GRXCR1: variants seen among roughly 807,000 people sequenced by gnomAD.
GRXCR1 encodes the protein glutaredoxin domain-containing cysteine-rich protein 1.
A neutral mutation model predicts 27.3 loss-of-function variants in GRXCR1; 27 were observed. The ratio of observed to expected loss-of-function variants is 0.99; its 90% CI spans 0.73 to 1.37. GRXCR1 has a LOEUF of 1.37. Among genes scored for constraint, GRXCR1 ranks in the 40% most tolerant of loss-of-function variants. The probability of loss-of-function intolerance (pLI) is 0.00; values close to 1 mark genes in which losing one functional copy is unlikely to be tolerated. For synonymous variants in GRXCR1, 122 were observed against 131.1 expected (o/e 0.93, Z 0.47); for missense variants, 379 against 354.4 (o/e 1.07, Z -0.56).
chr4:42,941,727 T>G (rs1747628128), intron 1 of GRXCR1, among the ~76,000 whole-genome samples: 1 of 151,992 alleles, frequency 6.6e-6, no homozygotes, highest in Non-Finnish European at 1.5e-5. Context: ...TAGTTGGCAT[T>G]GTGTAGATCA....
chr4:43,021,141 G>A (rs778271107), intron 3 of GRXCR1, among the ~76,000 whole-genome samples: 6 of 152,122 alleles, frequency 3.9e-5, no homozygotes, highest in Non-Finnish European at 8.8e-5. Flanking sequence ...TATTGCTCTA[G>A]TCTTTGCTAA....
intron 1 of GRXCR1, among the ~76,000 whole-genome samples, chr4:42,941,938 C>T (rs969407172): frequency 2.0e-5 from 3 of 152,130 alleles, no homozygotes; most frequent in East Asian, 1.9e-4. Context: ...ATTTAGGAAA[C>T]TATCAAGAAA....
intron 2 of GRXCR1, among the ~76,000 whole-genome samples, chr4:42,968,003 C>T (rs1445330453): frequency 6.6e-6 from 1 of 152,078 alleles, no homozygotes; most frequent in African/African-American, 2.4e-5. Context: ...ATTTTGCTTG[C>T]CTTGAGTGGT....
At chr4:43,007,786 T>G (rs1041143362) in intron 2 of GRXCR1, among the ~76,000 whole-genome samples, 3 of 152,234 alleles carry the variant, frequency 2.0e-5, no homozygotes, top group African/African-American at 7.2e-5. Flanking sequence ...TGCTTTAGCT[T>G]AAAAGTCCAA....
chr4:42,944,618 G>A (rs1369867380), intron 1 of GRXCR1, among the ~76,000 whole-genome samples: 3 of 151,954 alleles, frequency 2.0e-5, no homozygotes, highest in Admixed American at 2.0e-4. Flanking sequence ...AAATCACCTT[G>A]CTACAGAGTA....
At chr4:42,937,054 G>T (rs1231785270) in intron 1 of GRXCR1, among the ~76,000 whole-genome samples, 3 of 151,880 alleles carry the variant, frequency 2.0e-5, no homozygotes, top group Non-Finnish European at 2.9e-5. Flanking sequence ...CCTTGAGAAT[G>T]AAGTATCTAC....
rs1167479725 is a variant in GRXCR1, at chr4:43,030,577, A to G, written c.*37A>G. The G allele has an allele frequency of 6.7e-7, 1 of 1,501,018 alleles. No homozygotes were observed. Among genetic ancestry groups the G allele is most frequent in the Non-Finnish European group, 9.3e-7 (1 of 1,077,118 alleles). 93.0% of individuals were successfully genotyped at this position (1,501,018 alleles called of 1,614,324 possible). On this transcript the variant is annotated 3_prime_UTR_variant, in exon 4 of 4. Coordinates refer to ENST00000399770, the MANE Select transcript of GRXCR1 (RefSeq NM_001080476.3). ...ACCCAGGAAAAACCTCATTTTATTA[A>G]TCAAAGGCAATACTTTGGTTTATAT...
rs771784846 is a variant in GRXCR1, at chr4:42,893,648, C to T, written c.382C>T (p.Gln128Ter). 14 of 1,612,668 alleles carry T rather than the reference C, an allele frequency of 8.7e-6. No homozygotes were observed. Among genetic ancestry groups the T allele is most frequent in the Non-Finnish European group, 1.1e-5 (13 of 1,179,472 alleles). Residue 128 changes from glutamine to a stop codon, truncating the protein, a stop_gained and splice_region_variant, in exon 1 of 4, where the codon CAG becomes TAG. Coordinates refer to ENST00000399770, the MANE Select transcript of GRXCR1 (RefSeq NM_001080476.3). LOFTEE classifies it high-confidence loss of function. ...ATTTAACAATTTGACCAAAGTATTA[C>T]AGGTAAGTCATTGCTGTTTCCTTCT... ...ALFNNLTKVL[Q>*]QPSTDLEFDR...
At chr4:43,013,020 AT>A (rs1364118396) in intron 2 of GRXCR1, among the ~76,000 whole-genome samples, 1 of 152,212 alleles carries the variant, frequency 6.6e-6, no homozygotes, top group Non-Finnish European at 1.5e-5. Context: ...AGCAAAAAAA[AT>A]AACAGACGCT....
chr4:42,942,509 T>G (rs561529106), intron 1 of GRXCR1, among the ~76,000 whole-genome samples: 1 of 152,094 alleles, frequency 6.6e-6, no homozygotes, highest in Non-Finnish European at 1.5e-5. Flanking sequence ...GTAGAATGTT[T>G]GGTTACTCTC....
chr4:42,971,599 A>G (rs906102187), intron 2 of GRXCR1, among the ~76,000 whole-genome samples: 4 of 151,988 alleles, frequency 2.6e-5, no homozygotes, highest in Admixed American at 6.6e-5. Context: ...CACGTTCAAA[A>G]AACCAGATCT....
chr4:42,928,746 G>A (rs1487510908), intron 1 of GRXCR1, among the ~76,000 whole-genome samples: 1 of 151,944 alleles, frequency 6.6e-6, no homozygotes, highest in African/African-American at 2.4e-5. Flanking sequence ...CAAGGCAAGG[G>A]AGGGTAAACA....
At chr4:42,975,702 C>T (rs879587448) in intron 2 of GRXCR1, among the ~76,000 whole-genome samples, 2 of 152,192 alleles carry the variant, frequency 1.3e-5, no homozygotes, top group South Asian at 2.1e-4. Context: ...AGCATCTTAC[C>T]CTTGGTCCAT....
intron 1 of GRXCR1, among the ~76,000 whole-genome samples, chr4:42,948,861 A>G (rs1039555006): frequency 6.6e-6 from 1 of 152,164 alleles, no homozygotes; most frequent in Admixed American, 6.5e-5. Flanking sequence ...GGCAAAGGCA[A>G]GACAAGGAAT....
chr4:43,023,429 T>A (rs889933125), intron 3 of GRXCR1, among the ~76,000 whole-genome samples: 1 of 152,188 alleles, frequency 6.6e-6, no homozygotes, highest in African/African-American at 2.4e-5. Flanking sequence ...AAGAATCTTA[T>A]CATATATCCC....
intron 1 of GRXCR1, among the ~76,000 whole-genome samples, chr4:42,951,341 C>A (rs1348623104): frequency 6.6e-6 from 1 of 152,132 alleles, no homozygotes; most frequent in Non-Finnish European, 1.5e-5. Flanking sequence ...CAGACATACC[C>A]AGAGATAATG....
chr4:42,927,903 T>C (rs1448865514), intron 1 of GRXCR1, among the ~76,000 whole-genome samples: 2 of 151,690 alleles, frequency 1.3e-5, no homozygotes, highest in African/African-American at 4.8e-5. Flanking sequence ...TGTAGGAGAG[T>C]GGGGATTGAG....
At position 43,015,768 on chromosome 4, in the gene GRXCR1, A is replaced by G. The variant is rs181575201; in HGVS notation, c.628-4586A>G. ...TATGACTAAATATAAATTAAAATAA[A>G]TAAAACTATATATTATATATGTATA... is the stretch of plus-strand genomic sequence containing the variant. On this transcript the variant is annotated intron_variant, in intron 2 of 3. Coordinates refer to ENST00000399770, the MANE Select transcript of GRXCR1 (RefSeq NM_001080476.3). Among the ~76,000 whole-genome samples, 474 of 151,344 alleles carry G rather than the reference A, an allele frequency of 3.1e-3. 4 individuals are homozygous for G. Among genetic ancestry groups the G allele is most frequent in the African/African-American group, 0.011 (449 of 41,462 alleles).
intron 1 of GRXCR1, among the ~76,000 whole-genome samples, chr4:42,931,716 A>C (rs1473447845): frequency 6.6e-6 from 1 of 151,940 alleles, no homozygotes; most frequent in Non-Finnish European, 1.5e-5. Context: ...CATTCTTATC[A>C]TTTTTGTGTG....
Sources: gnomAD v4.1 joint callset for allele counts (sites outside exome capture counted in the v4.1 genomes callset) on GRCh38, gnomAD v4.1.1 for gene constraint, MANE v1.5 for transcripts, NCBI Gene and HGNC (gene_info 2026-07-23, HGNC 2026-07-21) for gene names.